The following POM121 variants were observed in gnomAD, a reference collection of about 807,000 sequenced individuals.
The protein encoded by POM121 is POM121 transmembrane nucleoporin, also known as nuclear envelope pore membrane protein POM 121.
In POM121, 32 loss-of-function variants were observed where a neutral mutation model predicts 81.3. The ratio of observed to expected loss-of-function variants is 0.39; its 90% CI spans 0.30 to 0.53. POM121 has a LOEUF of 0.53. Among genes scored for constraint, POM121 ranks in the 20% least tolerant of loss-of-function variants. The probability of loss-of-function intolerance (pLI) is 0.66; values close to 1 mark genes in which losing one functional copy is unlikely to be tolerated. For missense variants in POM121, 1,138 were observed against 1,614.6 expected, an observed-to-expected ratio of 0.70 and a Z score of 5.06; for synonymous variants, 514 against 694.2, an observed-to-expected ratio of 0.74 and a Z score of 4.08.
chr7:72,925,737 C>A lies in POM121; in HGVS notation c.616C>A (p.Leu206Ile). 1 of 1,233,848 alleles carries A rather than the reference C, an allele frequency of 8.1e-7. No homozygotes were observed. Among genetic ancestry groups the A allele is most frequent in the Non-Finnish European group, 1.0e-6 (1 of 980,448 alleles). 76.4% of individuals were successfully genotyped at this position (1,233,848 alleles called of 1,614,324 possible). A position where few individuals can be genotyped will look rare whatever the true frequency, so the allele number is the denominator to read the frequency against. Residue 206 changes from leucine to isoleucine, a missense_variant, in exon 1 of 13, where the codon CTC (leucine) becomes ATC (isoleucine). Leu to Ile is a conservative substitution (Grantham distance 5, BLOSUM62 2). This residue lies in a region of POM121 where 646 missense variants were observed against 633.5 expected (regional missense o/e 1.02). Transcript: ENST00000434423. Reference protein sequence around the residue: ...HVYPSLPTPLLRPSRRPSPRD... With the variant: ...HVYPSLPTPLIRPSRRPSPRD... ...TTACCCCTCTCTGCCCACTCCTCTT[C>A]TCCGACCCTCCAGGAGGCCTTCCCC...
At chr7:72,901,962 AT>A (rs1792691288) in intron 3 of POM121, among the ~76,000 whole-genome samples, 2 of 151,458 alleles carry the variant, frequency 1.3e-5, no homozygotes, top group Admixed American at 6.6e-5. Context: ...AAAATACAAA[AT>A]TAGCCGGGCA....
chr7:72,935,395 A>G (rs1265237658), intron 5 of POM121, among the ~76,000 whole-genome samples: 9 of 152,292 alleles, frequency 5.9e-5, no homozygotes, highest in African/African-American at 1.7e-4. Context: ...GGCTGGTCTC[A>G]AACTCCTGAG....
At position 72,880,167 on chromosome 7, in the gene POM121, C is replaced by T. The variant is rs1563127281; in HGVS notation, c.-521+282C>T. ...AGTCCTTCCTCCTCCTCTCTGTGCT[C>T]CAGATTTCGACCGCCTCTAAACGTC... On this transcript the variant is annotated intron_variant, in intron 1 of 15. Coordinates refer to the POM121 transcript ENST00000395270. Among the ~76,000 whole-genome samples, 3 of 152,322 alleles carry T rather than the reference C, an allele frequency of 2.0e-5. No individual in the cohort carries two copies. In the South Asian group the frequency reaches 6.2e-4, roughly 32 times the overall value.
At chr7:72,887,276 C>G (rs1288021610) in intron 1 of POM121, among the ~76,000 whole-genome samples, 3 of 151,946 alleles carry the variant, frequency 2.0e-5, no homozygotes, top group Non-Finnish European at 4.4e-5. Context: ...GATGAACTCT[C>G]TCAGTGCTCT....
chr7:72,920,572 T>C (rs1158432266), upstream of POM121, among the ~76,000 whole-genome samples: 14 of 151,870 alleles, frequency 9.2e-5, no homozygotes, highest in East Asian at 2.1e-3. Flanking sequence ...GCCAGGATGG[T>C]CTTGATCTCC....
At chr7:72,945,788 A>C in intron 12 of POM121, 80 bp downstream of exon 12, 6 of 1,525,744 alleles carry the variant, frequency 3.9e-6, no homozygotes, top group Non-Finnish European at 5.3e-6. Context: ...TGGTCCTCTG[A>C]GGCCCGGTGA....
chr7:72,886,430 G>A (rs1255685171), intron 1 of POM121, among the ~76,000 whole-genome samples: 28 of 152,100 alleles, frequency 1.8e-4, no homozygotes, highest in Non-Finnish European at 3.4e-4. Flanking sequence ...TGCCTCAGCC[G>A]CCCAAAGTGC....
intron 4 of POM121, among the ~76,000 whole-genome samples, chr7:72,917,781 T>G (rs1223061384): frequency 7.9e-5 from 12 of 152,172 alleles, no homozygotes; most frequent in Non-Finnish European, 1.8e-4. Context: ...AAAAGACAGC[T>G]GGGCCCGGGG....
At chr7:72,941,417 C>T (rs569222332) in intron 10 of POM121, among the ~76,000 whole-genome samples, 67 of 149,262 alleles carry the variant, frequency 4.5e-4, no homozygotes, top group Non-Finnish European at 7.6e-4. Context: ...GCACTGCGCG[C>T]GCACACCTCT....
At position 72,909,729 on chromosome 7, in the gene POM121, G is replaced by A. The variant is rs537527148; in HGVS notation, c.-215-4036G>A. Among the ~76,000 whole-genome samples the A allele has an allele frequency of 2.0e-5, 3 of 152,240 alleles. No homozygotes were observed. The South Asian group carries it at 6.2e-4, about 32-fold the overall frequency. On this transcript the variant is annotated intron_variant, in intron 3 of 15. Transcript: ENST00000395270. ...AATGGCCCAGTCATAGCTCACTGCA[G>A]CTGTAACCTCCCAGACTCAGTCACT...
At chr7:72,887,725 G>C (rs186129884) in intron 1 of POM121, among the ~76,000 whole-genome samples, 2 of 152,294 alleles carry the variant, frequency 1.3e-5, no homozygotes, top group East Asian at 3.9e-4. Context: ...TACTCGGGAG[G>C]CTGAGGCAGA....
At chr7:72,936,318 A>G (rs1586170464) in intron 5 of POM121, among the ~76,000 whole-genome samples, 1 of 147,284 alleles carries the variant, frequency 6.8e-6, no homozygotes, top group African/African-American at 2.5e-5. Context: ...ATGCACCACC[A>G]CACCTGGCTA....
At chr7:72,936,397 A>C (rs1796509589) in intron 5 of POM121, among the ~76,000 whole-genome samples, 2 of 148,864 alleles carry the variant, frequency 1.3e-5, no homozygotes, top group African/African-American at 2.5e-5. Flanking sequence ...CCTGCCTCAG[A>C]CTCCCAAGTA....
chr7:72,936,186 G>T (rs868965542), intron 5 of POM121, among the ~76,000 whole-genome samples: 40 of 152,240 alleles, frequency 2.6e-4, no homozygotes, highest in East Asian at 9.7e-4. Flanking sequence ...TGGCATTTCT[G>T]TTTTTTCTTT....
At chr7:72,885,833 T>G (rs1407595824) in intron 1 of POM121, among the ~76,000 whole-genome samples, 1 of 150,990 alleles carries the variant, frequency 6.6e-6, no homozygotes, top group South Asian at 2.1e-4. Flanking sequence ...AGTCTCATCT[T>G]CTTTGTTTCT....
At position 72,926,359 on chromosome 7, in the gene POM121, G is replaced by A. The variant is rs1554497458; in HGVS notation, c.742G>A (p.Val248Met). 1.2e-6 allele frequency: 2 copies of A among 1,613,780 alleles called. No homozygotes were observed. The highest frequency in any genetic ancestry group is 1.7e-6 in the Non-Finnish European group (2 of 1,179,784). Residue 248 changes from valine (V) to methionine (M), a missense_variant, in exon 2 of 13, where the codon GTG becomes ATG. Coordinates refer to ENST00000434423, the MANE Select transcript of POM121 (RefSeq NM_001387691.1). Reference sequence around the variant, plus strand: ...TTCCTGTCTGGGGGTACTTCCCACCGTGTGCTGGAATGGTTATCACAAGAA... The same window carrying A: ...TTCCTGTCTGGGGGTACTTCCCACCATGTGCTGGAATGGTTATCACAAGAA... ...QYSCLGVLPT[V>M]CWNGYHKKAV... is the part of the protein sequence containing the mutation.
At chr7:72,906,328 C>G (rs1245000273) in intron 3 of POM121, among the ~76,000 whole-genome samples, 2 of 152,198 alleles carry the variant, frequency 1.3e-5, no homozygotes, top group Admixed American at 6.5e-5. Flanking sequence ...GGTGCAGAAC[C>G]CACGGTTTTG....
intron 5 of POM121, among the ~76,000 whole-genome samples, chr7:72,931,354 T>C (rs189855595): frequency 6.6e-6 from 1 of 152,238 alleles, no homozygotes; most frequent in East Asian, 1.9e-4. Context: ...TCAGAAAGCT[T>C]TGGTTTCTTC....
At chr7:72,915,817 C>T (rs1794243611) in intron 4 of POM121, among the ~76,000 whole-genome samples, 2 of 152,122 alleles carry the variant, frequency 1.3e-5, no homozygotes, top group Non-Finnish European at 1.5e-5. Context: ...AGATTATAGG[C>T]GCCCACCACC....
Sources: gnomAD v4.1 joint callset for allele counts (sites outside exome capture counted in the v4.1 genomes callset) on GRCh38, gnomAD v4.1.1 for gene constraint, gnomAD v4.1.1 regional missense constraint, MANE v1.5 for transcripts, NCBI Gene and HGNC (gene_info 2026-07-23, HGNC 2026-07-21) for gene names.